TMEM132D: variants seen among roughly 807,000 people sequenced by gnomAD.
TMEM132D encodes the protein mature OL transmembrane protein.
TMEM132D carries 21 observed loss-of-function variants against 62.3 expected under a neutral mutation model. The ratio of observed to expected loss-of-function variants is 0.34; its 90% CI spans 0.24 to 0.49. The LOEUF (loss-of-function observed/expected upper bound fraction) is 0.49, where lower values mean the gene tolerates loss of function less well. Among genes scored for constraint, TMEM132D ranks in the 20% least tolerant of loss-of-function variants. TMEM132D has a pLI of 0.99. For synonymous variants in TMEM132D, 621 were observed against 575.6 expected (o/e 1.08, Z -1.13); for missense variants, 1,346 against 1,402.8 (o/e 0.96, Z 0.65).
intron 4 of TMEM132D, among the ~76,000 whole-genome samples, chr12:129,314,265 C>T (rs1868407639): frequency 6.6e-6 from 1 of 152,126 alleles, no homozygotes; most frequent in African/African-American, 2.4e-5. Flanking sequence ...GGTTTAAGTC[C>T]TTAATCCATC....
chr12:129,168,971 C>T (rs1877641092), intron 5 of TMEM132D, among the ~76,000 whole-genome samples: 1 of 152,218 alleles, frequency 6.6e-6, no homozygotes, highest in African/African-American at 2.4e-5. Flanking sequence ...GACTAGAGCC[C>T]TAGCTCTTGA....
chr12:129,701,706 G>C (rs1365388282), intron 1 of TMEM132D, among the ~76,000 whole-genome samples: 1 of 152,210 alleles, frequency 6.6e-6, no homozygotes, highest in Non-Finnish European at 1.5e-5. Flanking sequence ...AATTTAAGGA[G>C]TTTTAGAAAT....
At chr12:129,762,052 TGAA>T (rs573712092) in intron 1 of TMEM132D, among the ~76,000 whole-genome samples, 63 of 152,274 alleles carry the variant, frequency 4.1e-4, no homozygotes, top group African/African-American at 1.3e-3. Flanking sequence ...AGATGAGACA[TGAA>T]GAAGAAGACT....
chr12:129,730,728 C>T lies in TMEM132D; in HGVS notation c.80-30030G>A, dbSNP rs183336543. Among the ~76,000 whole-genome samples the T allele has an allele frequency of 3.0e-4, 45 of 151,886 alleles. 1 individual carries two copies. Among genetic ancestry groups the T allele is most frequent in the South Asian group, 8.4e-4 (4 of 4,776 alleles). ...GGCACCATCTAATCAGCTGCCAGCACGGCTGGGATAAAAACAGGCAGAGGA... is the reference window on the plus strand; with the variant it reads ...GGCACCATCTAATCAGCTGCCAGCATGGCTGGGATAAAAACAGGCAGAGGA... On this transcript the variant is annotated intron_variant, in intron 1 of 8. Coordinates refer to ENST00000422113, the MANE Select transcript of TMEM132D (RefSeq NM_133448.3).
At chr12:129,671,020 G>C (rs969577295) in intron 2 of TMEM132D, among the ~76,000 whole-genome samples, 1 of 152,112 alleles carries the variant, frequency 6.6e-6, no homozygotes, top group African/African-American at 2.4e-5. Context: ...AAAAATCTTG[G>C]AAATATTTTT....
intron 1 of TMEM132D, among the ~76,000 whole-genome samples, chr12:129,721,893 T>C (rs917872647): frequency 6.6e-6 from 1 of 152,192 alleles, no homozygotes; most frequent in Non-Finnish European, 1.5e-5. Context: ...ATGCAGAAGG[T>C]ATAAAGCCTA....
At chr12:129,298,544 A>G (rs1438527645) in intron 4 of TMEM132D, among the ~76,000 whole-genome samples, 3 of 152,150 alleles carry the variant, frequency 2.0e-5, no homozygotes, top group African/African-American at 7.2e-5. Flanking sequence ...CATGCAGTAA[A>G]ACACCAGAAC....
chr12:129,244,161 A>G (rs1418947685), intron 4 of TMEM132D, among the ~76,000 whole-genome samples: 2 of 152,048 alleles, frequency 1.3e-5, no homozygotes, highest in Admixed American at 6.5e-5. Flanking sequence ...CGAGGCGGGC[A>G]GATCACAAAG....
At chr12:129,887,798 C>T (rs570794648) in intron 1 of TMEM132D, among the ~76,000 whole-genome samples, 2 of 152,278 alleles carry the variant, frequency 1.3e-5, no homozygotes, top group East Asian at 3.9e-4. Context: ...TCATTGTCCT[C>T]ATTGTCTTAG....
intron 5 of TMEM132D, among the ~76,000 whole-genome samples, chr12:129,160,260 ATC>A (rs1214675032): frequency 6.6e-6 from 1 of 152,196 alleles, no homozygotes; most frequent in Non-Finnish European, 1.5e-5. Context: ...TTGTAGAATC[ATC>A]TCTCTCCTAC....
intron 3 of TMEM132D, among the ~76,000 whole-genome samples, chr12:129,340,965 G>A (rs902626446): frequency 5.9e-5 from 9 of 152,168 alleles, no homozygotes; most frequent in Admixed American, 3.9e-4. Flanking sequence ...TTCATCTACA[G>A]TACGATTATG....
At chr12:129,817,441 T>C (rs1366988919) in intron 1 of TMEM132D, among the ~76,000 whole-genome samples, 4 of 139,770 alleles carry the variant, frequency 2.9e-5, no homozygotes, top group Non-Finnish European at 6.3e-5. Context: ...AGTCTGACTC[T>C]GGGGCACCAA....
intron 4 of TMEM132D, among the ~76,000 whole-genome samples, chr12:129,259,875 G>A (rs58459974): frequency 0.025 from 3,823 of 152,252 alleles, 160 homozygotes; most frequent in African/African-American, 0.087. Context: ...GAGCAATGGG[G>A]CTGAGGTTGG....
intron 1 of TMEM132D, among the ~76,000 whole-genome samples, chr12:129,873,227 G>C (rs919015188): frequency 2.0e-5 from 3 of 152,072 alleles, no homozygotes; most frequent in African/African-American, 7.2e-5. Flanking sequence ...CTATCTTCAG[G>C]CCTCTTTGTT....
intron 5 of TMEM132D, among the ~76,000 whole-genome samples, chr12:129,092,699 A>G (rs1235782228): frequency 6.6e-6 from 1 of 152,230 alleles, no homozygotes; most frequent in East Asian, 1.9e-4. Context: ...TATGTCTCAA[A>G]AAAGAAAGAT....
At chr12:129,153,672 G>T (rs1162277411) in intron 5 of TMEM132D, among the ~76,000 whole-genome samples, 1 of 152,068 alleles carries the variant, frequency 6.6e-6, no homozygotes, top group Non-Finnish European at 1.5e-5. Context: ...AAATCAGGAG[G>T]GTGGCTTTTC....
At chr12:129,465,386 C>A (rs1055144094) in intron 3 of TMEM132D, among the ~76,000 whole-genome samples, 3 of 152,116 alleles carry the variant, frequency 2.0e-5, no homozygotes, top group African/African-American at 4.8e-5. Flanking sequence ...AAAACTGGCA[C>A]AAGACAGGGA....
intron 3 of TMEM132D, among the ~76,000 whole-genome samples, chr12:129,422,095 T>TTAAAA (rs374062748): frequency 7.2e-6 from 1 of 139,540 alleles, no homozygotes; most frequent in Non-Finnish European, 1.5e-5. Context: ...ACAGCAATGT[T>TTAAAA]AAAAAAAAAA....
At chr12:129,545,435 A>G (rs943626909) in intron 2 of TMEM132D, among the ~76,000 whole-genome samples, 1 of 152,002 alleles carries the variant, frequency 6.6e-6, no homozygotes, top group East Asian at 1.9e-4. Context: ...TTCTTTTATT[A>G]TATTTTTAAT....
Sources: gnomAD v4.1 joint callset for allele counts (sites outside exome capture counted in the v4.1 genomes callset) on GRCh38, gnomAD v4.1.1 for gene constraint, MANE v1.5 for transcripts, NCBI Gene and HGNC (gene_info 2026-07-23, HGNC 2026-07-21) for gene names.